TSPAN5: variants seen among roughly 807,000 people sequenced by gnomAD.
TSPAN5 encodes tetraspanin 5, also known as tetraspanin-5.
Under a neutral mutation model 37.1 loss-of-function variants are expected in TSPAN5, and 10 were observed. The observed-to-expected ratio is 0.27, with a 90% CI of 0.17 to 0.46. The LOEUF is 0.46. Ranked by LOEUF, TSPAN5 falls within the 20% of genes least tolerant of loss-of-function variation. TSPAN5 has a pLI of 1.00. For missense variants in TSPAN5, 195 were observed against 326.6 expected (o/e 0.60, Z 3.11); for synonymous variants, 110 against 118.9 (o/e 0.93, Z 0.48).
chr4:98,517,798 T>C (rs1753768038), intron 1 of TSPAN5, among the ~76,000 whole-genome samples: 1 of 152,176 alleles, frequency 6.6e-6, no homozygotes, highest in Non-Finnish European at 1.5e-5. Flanking sequence ...CACTAATCTT[T>C]GCTTGTCTCA....
At chr4:98,615,193 G>A (rs1310602529) in intron 1 of TSPAN5, among the ~76,000 whole-genome samples, 1 of 152,148 alleles carries the variant, frequency 6.6e-6, no homozygotes, top group Non-Finnish European at 1.5e-5. Flanking sequence ...AACCTGCTAT[G>A]AAAACCCCTG....
At position 98,626,100 on chromosome 4, in the gene TSPAN5, G is replaced by T. The variant is rs182719076; in HGVS notation, c.81+32046C>A. ...ACATGAGAATCACCTGGGGCTGGCT[G>T]TTGACAACACAGGTGAGATCTAATG... On this transcript the variant is annotated intron_variant, in intron 1 of 7. Coordinates refer to ENST00000305798, the MANE Select transcript of TSPAN5 (RefSeq NM_005723.4). 3.9e-4 allele frequency among the ~76,000 whole-genome samples: 59 copies of T among 152,298 alleles called. No homozygotes were observed. The East Asian group carries it at 0.011, about 29-fold the overall frequency.
chr4:98,645,500 C>T (rs1757046182), intron 1 of TSPAN5, among the ~76,000 whole-genome samples: 1 of 152,198 alleles, frequency 6.6e-6, no homozygotes, highest in Non-Finnish European at 1.5e-5. Flanking sequence ...CCTCTCACTC[C>T]TACTGAACCA....
chr4:98,636,666 A>G (rs187824509), intron 1 of TSPAN5, among the ~76,000 whole-genome samples: 1 of 152,316 alleles, frequency 6.6e-6, no homozygotes, highest in East Asian at 1.9e-4. Context: ...CATAAAATTA[A>G]AAGAAAGTCA....
rs979804535 is a variant in TSPAN5, at chr4:98,471,507, A to T, written c.*1015T>A. 3.9e-5 allele frequency: 6 copies of T among 152,218 alleles called. No homozygotes were observed. The highest frequency in any genetic ancestry group is 7.2e-5 in the African/African-American group (3 of 41,460). The allele number at this position is 152,218 out of a possible 1,614,324, so 9.4% of individuals were successfully genotyped here. ...AATAACATATTTCAATGTTTGTAGA[A>T]AAGCTGGCAGGAAAGGGAGATGATG... On this transcript the variant is annotated 3_prime_UTR_variant, in exon 8 of 8. Transcript: ENST00000305798.
intron 1 of TSPAN5, among the ~76,000 whole-genome samples, chr4:98,582,972 G>A (rs1003460587): frequency 2.0e-5 from 3 of 152,148 alleles, no homozygotes; most frequent in Admixed American, 6.5e-5. Context: ...CCTTGGTACC[G>A]TATAAAAGCA....
chr4:98,481,590 A>G lies in TSPAN5; in HGVS notation c.450+415T>C, dbSNP rs373179577. Among the ~76,000 whole-genome samples, 175 of 152,346 alleles carry G rather than the reference A, an allele frequency of 1.1e-3. 1 individual carries two copies. The South Asian group carries it at 0.018, about 15-fold the overall frequency. On this transcript the variant is annotated intron_variant, in intron 4 of 7. Coordinates refer to ENST00000305798, the MANE Select transcript of TSPAN5 (RefSeq NM_005723.4). The stretch of plus-strand genomic sequence containing the variant: ...AACTTTGTGGCAAATTATTCTGTTG[A>G]TAAGTAGATTATTATGAGCTGTGAA...
chr4:98,616,848 T>C (rs1422563932), intron 1 of TSPAN5, among the ~76,000 whole-genome samples: 1 of 150,494 alleles, frequency 6.6e-6, no homozygotes, highest in African/African-American at 2.5e-5. Flanking sequence ...GAATACTAGA[T>C]ATTGAGAAGC....
chr4:98,568,361 T>C (rs900688744), intron 1 of TSPAN5, among the ~76,000 whole-genome samples: 4 of 151,900 alleles, frequency 2.6e-5, no homozygotes, highest in Non-Finnish European at 4.4e-5. Flanking sequence ...GCTAGCAAGG[T>C]GAAACCCTAT....
intron 1 of TSPAN5, among the ~76,000 whole-genome samples, chr4:98,605,212 G>A (rs537443560): frequency 2.6e-4 from 39 of 152,106 alleles, no homozygotes; most frequent in African/African-American, 7.5e-4. Context: ...ATCAAAAACC[G>A]CAAGGTTTGA....
intron 1 of TSPAN5, among the ~76,000 whole-genome samples, chr4:98,626,128 T>C (rs1252591269): frequency 6.6e-6 from 1 of 152,162 alleles, no homozygotes; most frequent in African/African-American, 2.4e-5. Flanking sequence ...ATCTAATGAA[T>C]GCTGGTTTCC....
At chr4:98,564,223 A>C (rs1754946027) in intron 1 of TSPAN5, among the ~76,000 whole-genome samples, 1 of 152,228 alleles carries the variant, frequency 6.6e-6, no homozygotes, top group Admixed American at 6.5e-5. Flanking sequence ...AATGATACAT[A>C]CAGTTTACAT....
At chr4:98,536,591 C>T (rs1362026296) in intron 1 of TSPAN5, among the ~76,000 whole-genome samples, 4 of 152,214 alleles carry the variant, frequency 2.6e-5, no homozygotes, top group Non-Finnish European at 5.9e-5. Context: ...GCTGAAGCTG[C>T]GCCCATAGCC....
At chr4:98,488,347 T>G (rs1753018422) in intron 2 of TSPAN5, among the ~76,000 whole-genome samples, 1 of 152,206 alleles carries the variant, frequency 6.6e-6, no homozygotes, top group African/African-American at 2.4e-5. Context: ...GTTTGTTCTA[T>G]TTTTCTGTCT....
chr4:98,526,004 T>C (rs1753953162), intron 1 of TSPAN5, among the ~76,000 whole-genome samples: 1 of 152,188 alleles, frequency 6.6e-6, no homozygotes, highest in South Asian at 2.1e-4. Context: ...TACTCACATA[T>C]AGAATCTACA....
chr4:98,476,538 T>C (rs1459057106), intron 5 of TSPAN5, 78 bp from the exon 6 acceptor site: 4 of 1,345,338 alleles, frequency 3.0e-6, no homozygotes, highest in East Asian at 4.6e-5. Flanking sequence ...AGAAGACTTC[T>C]GTTACGCATT....
At chr4:98,640,418 G>C (rs1385031097) in intron 1 of TSPAN5, among the ~76,000 whole-genome samples, 1 of 152,162 alleles carries the variant, frequency 6.6e-6, no homozygotes, top group Non-Finnish European at 1.5e-5. Context: ...GTAATGTTCT[G>C]TAGATACTAC....
chr4:98,472,332 T>C lies in TSPAN5; in HGVS notation c.*190A>G. 2.1e-6 allele frequency: 1 copy of C among 483,896 alleles called. No homozygotes were observed. The allele number at this position is 483,896 out of a possible 1,614,324, so 30.0% of individuals were successfully genotyped here. A position where few individuals can be genotyped will look rare whatever the true frequency, so the allele number is the denominator to read the frequency against. On this transcript the variant is annotated 3_prime_UTR_variant, in exon 8 of 8. Coordinates refer to ENST00000305798, the MANE Select transcript of TSPAN5 (RefSeq NM_005723.4). The stretch of plus-strand genomic sequence containing the variant: ...ACGGCGCAACGACTTTCATACTGGT[T>C]ATTTTTTTTTTTAATTCTGTCAGTG...
At chr4:98,492,426 T>G (rs1184325625) in intron 2 of TSPAN5, among the ~76,000 whole-genome samples, 1 of 152,176 alleles carries the variant, frequency 6.6e-6, no homozygotes, top group African/African-American at 2.4e-5. Context: ...TATGTGTCAC[T>G]CCAGGAGCCT....
Sources: gnomAD v4.1 joint callset for allele counts (sites outside exome capture counted in the v4.1 genomes callset) on GRCh38, gnomAD v4.1.1 for gene constraint, MANE v1.5 for transcripts, NCBI Gene and HGNC (gene_info 2026-07-23, HGNC 2026-07-21) for gene names.